Variants in ADGRE1 observed in about 807,000 individuals in gnomAD.
ADGRE1 encodes the protein adhesion G protein-coupled receptor E1.
ADGRE1 carries 82 observed loss-of-function variants against 102.7 expected under a neutral mutation model. That is an observed-to-expected ratio of 0.80 (90% CI 0.67 to 0.96). ADGRE1 has a LOEUF of 0.96. Ranked by LOEUF, ADGRE1 falls within the 40% of genes least tolerant of loss-of-function variation. The probability of loss-of-function intolerance (pLI) is 0.00; values close to 1 mark genes in which losing one functional copy is unlikely to be tolerated. For synonymous variants in ADGRE1, 398 were observed against 399.6 expected, an observed-to-expected ratio of 1.00 and a Z score of 0.05; for missense variants, 1,032 against 1,085.3, an observed-to-expected ratio of 0.95 and a Z score of 0.69.
intron 17 of ADGRE1, among the ~76,000 whole-genome samples, chr19:6,933,397 T>C (rs1975249702): frequency 6.6e-6 from 1 of 151,532 alleles, no homozygotes; most frequent in African/African-American, 2.4e-5. Flanking sequence ...TTTTTTTTTT[T>C]TTTTTTTGAG....
chr19:6,927,063 A>G (rs1221782423), intron 16 of ADGRE1, among the ~76,000 whole-genome samples: 1 of 151,288 alleles, frequency 6.6e-6, no homozygotes, highest in African/African-American at 2.4e-5. Flanking sequence ...TCATCTCAGA[A>G]AAAAGTGGGG....
chr19:6,890,520 C>T lies in ADGRE1; in HGVS notation c.71C>T (p.Pro24Leu), dbSNP rs560598858. 10 of 1,612,056 alleles carry T rather than the reference C, an allele frequency of 6.2e-6. No homozygotes were observed. In the African/African-American group the frequency reaches 1.2e-4, roughly 19 times the overall value. ...VMHSWEGHIR[P>L]TRKPNTKGNN... ...CACAGCTGGGAAGGGCACATAAGAC[C>T]CACACGGAAACCAAACACAAAGGGT... The change falls in exon 2 of 21, where the codon CCC becomes CTC. Residue 24 changes from proline to leucine, a missense_variant. Coordinates refer to ENST00000312053, the MANE Select transcript of ADGRE1 (RefSeq NM_001974.5).
rs550071781 is a variant in ADGRE1 at position 6,898,023 on chromosome 19, A to G, written c.514+476A>G. The stretch of plus-strand genomic sequence containing the variant: ...TAATTCCTGGTCACTGTAAAATTTC[A>G]TGGATGGTTGAGTTTCCTCACAATA... On this transcript the variant is annotated intron_variant, in intron 5 of 20. Transcript: ENST00000312053. 30 of 217,668 alleles carry G rather than the reference A, an allele frequency of 1.4e-4. No homozygotes were observed. The East Asian group carries it at 2.8e-3, about 21-fold the overall frequency. The allele number at this position is 217,668 out of a possible 1,614,324, so 13.5% of individuals were successfully genotyped here. A position where few individuals can be genotyped will look rare whatever the true frequency, so the allele number is the denominator to read the frequency against.
chr19:6,913,931 C>A, intron 11 of ADGRE1, 101 bp downstream of exon 11: 1 of 1,299,090 alleles, frequency 7.7e-7, no homozygotes, highest in Non-Finnish European at 1.0e-6. Context: ...ATTCTTTCCC[C>A]AACTGTTTAA....
intron 1 of ADGRE1, among the ~76,000 whole-genome samples, chr19:6,888,187 G>C (rs961821878): frequency 6.6e-6 from 1 of 152,202 alleles, no homozygotes; most frequent in South Asian, 2.1e-4. Context: ...TCTGACTTCA[G>C]AGTCTGTAAG....
At chr19:6,898,000 A>G (rs28630886) in intron 5 of ADGRE1, 3,489 of 194,098 alleles carry the variant, frequency 0.018, 137 homozygotes, top group African/African-American at 0.079. Context: ...CATGTAAATA[A>G]TTCCTGGTCA....
intron 12 of ADGRE1, 94 bp from the exon 13 acceptor site, chr19:6,919,442 CTGTGTGTGTGTG>C (rs149877096): frequency 6.9e-4 from 313 of 450,392 alleles, no homozygotes; most frequent in Non-Finnish European, 1.1e-3. Context: ...CTCCCTCCCT[CTGTGTGTGTGTG>C]TGTGTGTGTG....
At chr19:6,920,514 CG>C (rs1258469718) in intron 13 of ADGRE1, among the ~76,000 whole-genome samples, 2,615 of 45,218 alleles carry the variant, frequency 0.058, 99 homozygotes, top group African/African-American at 0.083. Context: ...CCACCATGCC[CG>C]CTTTTTTTTT....
chr19:6,935,675 T>C (rs1340520158), intron 18 of ADGRE1, among the ~76,000 whole-genome samples: 1 of 152,202 alleles, frequency 6.6e-6, no homozygotes, highest in Non-Finnish European at 1.5e-5. Context: ...AGCACCCTTG[T>C]AGGTAAATCC....
chr19:6,903,321 C>T (rs763047719), intron 6 of ADGRE1, among the ~76,000 whole-genome samples: 2 of 152,214 alleles, frequency 1.3e-5, no homozygotes, highest in Non-Finnish European at 2.9e-5. Flanking sequence ...CTTGTTTTAG[C>T]TAGTCCTCAA....
intron 11 of ADGRE1, among the ~76,000 whole-genome samples, chr19:6,914,108 G>C (rs1974294360): frequency 1.3e-5 from 2 of 152,234 alleles, no homozygotes; most frequent in Admixed American, 1.3e-4. Flanking sequence ...ACAGTCATAG[G>C]CTGTGCTCAA....
intron 20 of ADGRE1, among the ~76,000 whole-genome samples, chr19:6,939,689 G>A (rs1043943787): frequency 3.9e-5 from 6 of 152,126 alleles, no homozygotes; most frequent in Non-Finnish European, 7.4e-5. Context: ...AACAGTAAAT[G>A]AAAGCCCAGA....
intron 1 of ADGRE1, 79 bp downstream of exon 1, chr19:6,887,718 T>C (rs2144867427): frequency 6.7e-7 from 1 of 1,491,412 alleles, no homozygotes. Context: ...GGGCCATGGA[T>C]GGTCCAGCCA....
chr19:6,937,616 TTGC>T lies in ADGRE1; in HGVS notation c.2626_2628del (p.Leu876del). ...CTCCCAGTCCCAGACCTCAAGGATC[TTGC>T]TGTCCTCCATGCCATCCGCTTCCAA... On this transcript the variant is annotated inframe_deletion, in exon 20 of 21. Transcript: ENST00000312053. 6.2e-7 allele frequency: 1 copy of T among 1,614,102 alleles called. No individual in the cohort carries two copies. Among genetic ancestry groups the T allele is most frequent in the Non-Finnish European group, 8.5e-7 (1 of 1,180,008 alleles).
intron 10 of ADGRE1, among the ~76,000 whole-genome samples, chr19:6,909,170 T>C (rs1052340697): frequency 6.6e-6 from 1 of 151,996 alleles, no homozygotes; most frequent in Non-Finnish European, 1.5e-5. Flanking sequence ...TATCTCTTTA[T>C]AATGAATGGA....
At chr19:6,910,981 C>T (rs561287927) in intron 10 of ADGRE1, among the ~76,000 whole-genome samples, 14 of 150,870 alleles carry the variant, frequency 9.3e-5, no homozygotes, top group African/African-American at 3.4e-4. Flanking sequence ...AATTTTCTAA[C>T]TTTCCTGAGG....
At chr19:6,904,006 G>C (rs754664715) in intron 7 of ADGRE1, 30 bp from the exon 8 acceptor site, 61 of 1,613,876 alleles carry the variant, frequency 3.8e-5, no homozygotes, top group Non-Finnish European at 1.4e-5. Context: ...TGCTCTTCTG[G>C]GTTTCTTGAT....
At chr19:6,904,728 G>T (rs139165405) in intron 8 of ADGRE1, among the ~76,000 whole-genome samples, 3,676 of 152,078 alleles carry the variant, frequency 0.024, 143 homozygotes, top group African/African-American at 0.083. Context: ...GGATGGTCTC[G>T]ATCTACTGAC....
At chr19:6,930,064 C>T (rs542369198) in intron 17 of ADGRE1, among the ~76,000 whole-genome samples, 11 of 152,284 alleles carry the variant, frequency 7.2e-5, no homozygotes, top group East Asian at 5.8e-4. Flanking sequence ...TCGATTCTAC[C>T]GGCTGCTCTC....
Sources: gnomAD v4.1 joint callset for allele counts (sites outside exome capture counted in the v4.1 genomes callset) on GRCh38, gnomAD v4.1.1 for gene constraint, MANE v1.5 for transcripts, NCBI Gene and HGNC (gene_info 2026-07-23, HGNC 2026-07-21) for gene names.